WDFY3: variants seen among roughly 807,000 people sequenced by gnomAD.
The protein encoded by WDFY3 is WD repeat and FYVE domain-containing protein 3.
WDFY3 carries 66 observed loss-of-function variants against 409.6 expected under a neutral mutation model. That is an observed-to-expected ratio of 0.16 (90% CI 0.13 to 0.20). The LOEUF is 0.20. Ranked by LOEUF, WDFY3 falls within the 10% of genes least tolerant of loss-of-function variation. WDFY3 has a pLI of 1.00. For missense variants in WDFY3, 3,031 were observed against 4,298.1 expected (o/e 0.71, Z 8.24); for synonymous variants, 1,521 against 1,537.1 (o/e 0.99, Z 0.25).
chr4:84,934,891 A>AC (rs1245296279), intron 1 of WDFY3, among the ~76,000 whole-genome samples: 1 of 152,116 alleles, frequency 6.6e-6, no homozygotes, highest in Non-Finnish European at 1.5e-5. Flanking sequence ...ACAGTATATC[A>AC]CATAGGTACA....
Position 84,918,025 on chromosome 4 carries a change from T to C in WDFY3, c.-132+14245A>G, listed in dbSNP as rs957827612. On this transcript the variant is annotated intron_variant, in intron 2 of 67. Coordinates refer to ENST00000295888, the MANE Select transcript of WDFY3 (RefSeq NM_014991.6). ...AAATACCATTTCTTTGCCCTTCAGA[T>C]TGGCAAAAATTCAAAAGCTTGACAA... Among the ~76,000 whole-genome samples, 8 of 152,228 alleles carry C rather than the reference T, an allele frequency of 5.3e-5. No homozygotes were observed. In the South Asian group the frequency reaches 1.7e-3, roughly 32 times the overall value.
At chr4:84,867,464 T>TG (rs1389532970) in intron 3 of WDFY3, among the ~76,000 whole-genome samples, 1 of 152,216 alleles carries the variant, frequency 6.6e-6, no homozygotes, top group African/African-American at 2.4e-5. Context: ...GTATAAGAAC[T>TG]GGCTTTCTAA....
rs1578591627 is a variant in WDFY3 at position 84,803,148 on chromosome 4, A to C, written c.2607+142T>G. 4.4e-6 allele frequency: 4 copies of C among 899,804 alleles called. No individual in the cohort carries two copies. In the East Asian group the frequency reaches 1.2e-4, roughly 26 times the overall value. The allele number at this position is 899,804 out of a possible 1,614,324, so 55.7% of individuals were successfully genotyped here. ...TATCATGAAAGGTAACACTCAAATAAAAAAATCCTTTTTTTTCCCCTTCAG... is the reference window on the plus strand; with the variant it reads ...TATCATGAAAGGTAACACTCAAATACAAAAATCCTTTTTTTTCCCCTTCAG... On this transcript the variant is annotated intron_variant, in intron 16 of 67. Transcript: ENST00000295888.
chr4:84,829,140 G>T lies in WDFY3; in HGVS notation c.820C>A (p.Leu274Met). The change falls in exon 9 of 68, where the codon CTG becomes ATG. Residue 274 changes from leucine to methionine, a missense_variant. Coordinates refer to ENST00000295888, the MANE Select transcript of WDFY3 (RefSeq NM_014991.6). Reference sequence around the variant, plus strand: ...ATTTCGACAATTTCTAGGGGAGACAGGTCATCTGATTGCTGCATATTCTGA... The same window carrying T: ...ATTTCGACAATTTCTAGGGGAGACATGTCATCTGATTGCTGCATATTCTGA... ...CVQNMQQSDD[L>M]SPLEIVEMFA... 1 of 1,612,534 alleles carries T rather than the reference G, an allele frequency of 6.2e-7. No homozygotes were observed. Among genetic ancestry groups the T allele is most frequent in the Non-Finnish European group, 8.5e-7 (1 of 1,179,022 alleles).
chr4:84,914,351 T>G (rs982305422), intron 2 of WDFY3, among the ~76,000 whole-genome samples: 5 of 151,502 alleles, frequency 3.3e-5, no homozygotes, highest in African/African-American at 1.2e-4. Context: ...AACTTGGAGG[T>G]TGCAGTGGTC....
At chr4:84,811,608 A>G (rs1348477866) in intron 13 of WDFY3, among the ~76,000 whole-genome samples, 1 of 152,200 alleles carries the variant, frequency 6.6e-6, no homozygotes, top group Non-Finnish European at 1.5e-5. Flanking sequence ...AATCTTTTTC[A>G]TGGATACAGT....
Position 84,837,104 on chromosome 4 carries a change from C to A in WDFY3, c.415-14G>T. On this transcript the variant is annotated splice_polypyrimidine_tract_variant and intron_variant, in intron 6 of 67. Coordinates refer to ENST00000295888, the MANE Select transcript of WDFY3 (RefSeq NM_014991.6). ...GTCCACGGTTTTCTGGAAAACAAGC[C>A]AATAAATAAGTGAATAGATAGACAC... is the stretch of plus-strand genomic sequence containing the variant. 1 of 1,486,844 alleles carries A rather than the reference C, an allele frequency of 6.7e-7. No homozygotes were observed. Among genetic ancestry groups the A allele is most frequent in the African/African-American group, 1.4e-5 (1 of 71,370 alleles). 92.1% of individuals were successfully genotyped at this position (1,486,844 alleles called of 1,614,324 possible). A position where few individuals can be genotyped will look rare whatever the true frequency, so the allele number is the denominator to read the frequency against.
At position 84,751,532 on chromosome 4, in the gene WDFY3, C is replaced by G. The variant is rs768034206; in HGVS notation, c.5924G>C (p.Cys1975Ser). Residue 1975 changes from cysteine (C) to serine (S), a missense_variant, in exon 36 of 68, where the codon TGT becomes TCT. This residue lies in a region of WDFY3 where 314 missense variants were observed against 397.4 expected (regional missense o/e 0.79). Coordinates refer to ENST00000295888, the MANE Select transcript of WDFY3 (RefSeq NM_014991.6). ...FMRVLIIDNL[C>S]LTPASKQTPL... ...AGTTTGCTTGCTGGCAGGAGTGAGA[C>G]AGAGGTTGTCTATGATTAAGACCCG... 2.4e-5 allele frequency: 38 copies of G among 1,614,154 alleles called. 1 individual carries two copies. In the South Asian group the frequency reaches 3.8e-4, roughly 16 times the overall value.
chr4:84,778,430 A>G, intron 27 of WDFY3, 73 bp downstream of exon 27: 1 of 1,323,040 alleles, frequency 7.6e-7, no homozygotes, highest in Non-Finnish European at 1.0e-6. Flanking sequence ...TTAGAGATAA[A>G]ATAGTTTATA....
chr4:84,857,420 G>T (rs1578842662), intron 4 of WDFY3, among the ~76,000 whole-genome samples: 1 of 152,194 alleles, frequency 6.6e-6, no homozygotes, highest in East Asian at 1.9e-4. Flanking sequence ...CATGTTAATA[G>T]CCAAGAACAA....
intron 58 of WDFY3, among the ~76,000 whole-genome samples, chr4:84,693,785 C>T (rs982001347): frequency 1.3e-4 from 20 of 151,392 alleles, no homozygotes; most frequent in African/African-American, 4.6e-4. Context: ...GTTCCAGCTA[C>T]TTGGGAGGGT....
At chr4:84,901,927 C>G (rs1156869845) in intron 2 of WDFY3, among the ~76,000 whole-genome samples, 4 of 152,144 alleles carry the variant, frequency 2.6e-5, no homozygotes, top group Admixed American at 1.3e-4. Flanking sequence ...CAATATTTCC[C>G]CTGTCAAATA....
At position 84,702,387 on chromosome 4, in the gene WDFY3, T is replaced by G. The variant is rs112211795; in HGVS notation, c.8562A>C (p.Pro2854=). ...KELIPEFFYL[P]EFLFNSNNFD... ...AGTTGTTGGAATTGAACAGGAATTC[T>G]GGTAAATAAAAGAACTCTGGGATAA... Residue 2854 remains proline (P), a synonymous_variant, in exon 56 of 68, where the codon CCA becomes CCC. Coordinates refer to ENST00000295888, the MANE Select transcript of WDFY3 (RefSeq NM_014991.6). 5 of 1,612,762 alleles carry G rather than the reference T, an allele frequency of 3.1e-6. 1 individual carries two copies. Among genetic ancestry groups the G allele is most frequent in the Non-Finnish European group, 4.2e-6 (5 of 1,179,622 alleles).
intron 2 of WDFY3, among the ~76,000 whole-genome samples, chr4:84,910,386 T>C (rs1427142627): frequency 6.6e-6 from 1 of 151,956 alleles, no homozygotes; most frequent in Non-Finnish European, 1.5e-5. Context: ...AAATATCCAA[T>C]TAAAAATAAA....
At chr4:84,870,032 C>A (rs1049267403) in intron 3 of WDFY3, among the ~76,000 whole-genome samples, 1 of 152,030 alleles carries the variant, frequency 6.6e-6, no homozygotes, top group African/African-American at 2.4e-5. Context: ...ACACAGATCA[C>A]AAAGATGTCA....
chr4:84,866,570 G>T (rs1761425855), intron 3 of WDFY3, among the ~76,000 whole-genome samples: 1 of 152,142 alleles, frequency 6.6e-6, no homozygotes, highest in South Asian at 2.1e-4. Flanking sequence ...ATCTGCATAG[G>T]GCACCAATTC....
chr4:84,914,964 G>T (rs146587862), intron 2 of WDFY3, among the ~76,000 whole-genome samples: 14 of 152,140 alleles, frequency 9.2e-5, no homozygotes, highest in African/African-American at 3.4e-4. Context: ...ATAGAATGTG[G>T]TATACACATA....
At position 84,721,557 on chromosome 4, in the gene WDFY3, G is replaced by T; in HGVS notation, c.7457C>A (p.Pro2486His). The T allele has an allele frequency of 6.2e-7, 1 of 1,606,302 alleles. No homozygotes were observed. The highest frequency in any genetic ancestry group is 8.5e-7 in the Non-Finnish European group (1 of 1,179,978). Residue 2486 changes from proline (P) to histidine (H), a missense_variant, in exon 47 of 68, where the codon CCT becomes CAT. Around this residue, in one of 16 missense-constraint regions of WDFY3, gnomAD observed 127 missense variants for 144.4 expected, o/e 0.88. Transcript: ENST00000295888. The part of the protein sequence containing the change: ...IAKVKGLVKP[P>H]LKRSRSAPDG... ...AGGTGCAGATCGGGAGCGTTTTAGA[G>T]GAGGCTTGACCAAACCTACAGTATA... is the stretch of plus-strand genomic sequence containing the variant.
At chr4:84,796,200 ATAAATGAG>A (rs1332441089) in intron 19 of WDFY3, among the ~76,000 whole-genome samples, 2 of 151,908 alleles carry the variant, frequency 1.3e-5, no homozygotes, top group East Asian at 3.9e-4. Flanking sequence ...CATAGGAAAT[ATAAATGAG>A]TGTGGCTGTT....
Sources: allele counts gnomAD v4.1 joint callset (sites outside exome capture counted in the v4.1 genomes callset), GRCh38; gene constraint gnomAD v4.1.1; regional missense constraint gnomAD v4.1.1; transcripts MANE v1.5; gene names NCBI Gene and HGNC (gene_info 2026-07-23, HGNC 2026-07-21).